Variants in HMOX2 observed in about 807,000 individuals in gnomAD.
HMOX2 encodes the protein heme oxygenase (decycling) 2.
HMOX2 carries 30 observed loss-of-function variants against 33.7 expected under a neutral mutation model. The observed-to-expected ratio is 0.89, with a 90% CI of 0.67 to 1.21. The LOEUF (loss-of-function observed/expected upper bound fraction) is 1.21, where lower values mean the gene tolerates loss of function less well. Ranked by LOEUF, HMOX2 falls within the 50% of genes most tolerant of loss-of-function variation. The pLI is 0.00. For synonymous variants in HMOX2, 155 were observed against 155.0 expected, an observed-to-expected ratio of 1.00 and a Z score of 0.00; for missense variants, 403 against 399.1, an observed-to-expected ratio of 1.01 and a Z score of -0.08.
At chr16:4,495,265 G>A (rs977280853) in intron 1 of HMOX2, among the ~76,000 whole-genome samples, 4 of 152,216 alleles carry the variant, frequency 2.6e-5, no homozygotes, top group Non-Finnish European at 5.9e-5. Flanking sequence ...GAAGGAAGCA[G>A]ATTCCATTCC....
intron 1 of HMOX2, chr16:4,496,533 G>T (rs2058426033): frequency 6.6e-6 from 1 of 152,184 alleles, no homozygotes; most frequent in East Asian, 1.9e-4. Flanking sequence ...CATAACTTCA[G>T]TTTCCTTGTT....
intron 1 of HMOX2, among the ~76,000 whole-genome samples, chr16:4,504,810 C>G (rs1348306803): frequency 6.6e-6 from 1 of 151,302 alleles, no homozygotes; most frequent in South Asian, 2.1e-4. Context: ...CTGCCTGAGC[C>G]TCCCGAGTAG....
intron 1 of HMOX2, chr16:4,481,756 A>G (rs2058038033): frequency 6.6e-6 from 1 of 152,234 alleles, no homozygotes; most frequent in African/African-American, 2.4e-5. Context: ...ATGATAATGT[A>G]ATGTCACCTG....
intron 1 of HMOX2, among the ~76,000 whole-genome samples, chr16:4,483,282 A>G (rs1036844344): frequency 2.0e-5 from 3 of 150,494 alleles, no homozygotes; most frequent in Non-Finnish European, 4.4e-5. Context: ...CTGGTGATCA[A>G]CTCAACCTTT....
At chr16:4,505,239 T>G (rs1042990700) in intron 1 of HMOX2, among the ~76,000 whole-genome samples, 7 of 152,244 alleles carry the variant, frequency 4.6e-5, no homozygotes, top group African/African-American at 1.7e-4. Context: ...GCAGTACAAT[T>G]ATTTTTAAAA....
intron 1 of HMOX2, among the ~76,000 whole-genome samples, chr16:4,487,257 CAA>C (rs879421943): frequency 2.1e-5 from 3 of 141,524 alleles, no homozygotes; most frequent in Admixed American, 7.1e-5. Flanking sequence ...GACCCTGTCT[CAA>C]AAAAAAAAAA....
chr16:4,488,127 CAAAAAA>C (rs60429116), intron 1 of HMOX2, among the ~76,000 whole-genome samples: 13 of 69,314 alleles, frequency 1.9e-4, no homozygotes, highest in African/African-American at 3.8e-4. Context: ...AACTCCATCT[CAAAAAA>C]AAAAAAAAAA....
rs149714752 is a variant in HMOX2 at position 4,509,433 on chromosome 16, G to C, written c.718G>C (p.Ala240Pro). The C allele has an allele frequency of 6.9e-4, 1,116 of 1,614,064 alleles. 5 individuals are homozygous for C. The Middle Eastern group carries it at 6.9e-3, about 10-fold the overall frequency. Reference sequence around the variant, plus strand: ...GCAGATATTCAATGAACTGGACCAGGCCGGCTCCACACTGGCCAGAGAGAC... The same window carrying C: ...GCAGATATTCAATGAACTGGACCAGCCCGGCTCCACACTGGCCAGAGAGAC... ...NMQIFNELDQ[A>P]GSTLARETLE... Residue 240 changes from alanine (A) to proline (P), a missense_variant, in exon 5 of 6, where the codon GCC becomes CCC. Coordinates refer to ENST00000570646, the MANE Select transcript of HMOX2 (RefSeq NM_002134.4).
chr16:4,486,389 C>G (rs1402125588), intron 1 of HMOX2, among the ~76,000 whole-genome samples: 1 of 152,150 alleles, frequency 6.6e-6, no homozygotes, highest in Non-Finnish European at 1.5e-5. Context: ...GCCACAGCAA[C>G]TTAACTGGCT....
chr16:4,489,678 G>C (rs564144256), intron 1 of HMOX2, among the ~76,000 whole-genome samples: 1 of 152,100 alleles, frequency 6.6e-6, no homozygotes, highest in Non-Finnish European at 1.5e-5. Context: ...AGGCTGGTCT[G>C]GAACTCCTGT....
intron 1 of HMOX2, among the ~76,000 whole-genome samples, chr16:4,487,533 G>A (rs760396909): frequency 1.3e-5 from 2 of 152,180 alleles, no homozygotes; most frequent in Non-Finnish European, 2.9e-5. Context: ...GCTGGGCGCA[G>A]TGGCTCACAC....
At chr16:4,503,986 T>C (rs995613151) in intron 1 of HMOX2, among the ~76,000 whole-genome samples, 2 of 152,232 alleles carry the variant, frequency 1.3e-5, no homozygotes, top group African/African-American at 4.8e-5. Flanking sequence ...GCTATTCATG[T>C]GGAAGATTCC....
At chr16:4,495,488 C>G (rs1362379399) in intron 1 of HMOX2, 1 of 152,206 alleles carries the variant, frequency 6.6e-6, no homozygotes, top group African/African-American at 2.4e-5. Context: ...TCTGGGCAGT[C>G]ATTGTGAAGA....
At chr16:4,498,725 A>C (rs2058484162) in intron 1 of HMOX2, among the ~76,000 whole-genome samples, 1 of 152,120 alleles carries the variant, frequency 6.6e-6, no homozygotes. Context: ...CGTTCAGTGA[A>C]CCGTGGGATT....
At chr16:4,500,883 A>G (rs560541281) in intron 1 of HMOX2, among the ~76,000 whole-genome samples, 1 of 152,300 alleles carries the variant, frequency 6.6e-6, no homozygotes, top group South Asian at 2.1e-4. Flanking sequence ...CTGTTAGCTC[A>G]GGTGTTGGAA....
Position 4,508,089 on chromosome 16 carries a change from A to G in HMOX2, c.581A>G (p.Asn194Ser), listed in dbSNP as rs776731134. ...TTCTACCTGTTTGAGAATGTGGACA[A>G]TGCCCAGCAGTTCAAGCAGCTCTAC... ...TQFYLFENVDNAQQFKQLYRA... is the reference protein window; with the variant it reads ...TQFYLFENVDSAQQFKQLYRA... The change falls in exon 4 of 6, where the codon AAT (asparagine) becomes AGT (serine). Residue 194 changes from asparagine (N) to serine (S), a missense_variant. Physicochemically the swap from Asn to Ser is conservative, Grantham distance 46. Coordinates refer to ENST00000570646, the MANE Select transcript of HMOX2 (RefSeq NM_002134.4). 9.9e-6 allele frequency: 16 copies of G among 1,614,054 alleles called. No homozygotes were observed. In the Admixed American group the frequency reaches 2.5e-4, roughly 25 times the overall value.
intron 1 of HMOX2, among the ~76,000 whole-genome samples, chr16:4,485,906 T>C (rs1050491789): frequency 6.6e-6 from 1 of 151,890 alleles, no homozygotes; most frequent in Non-Finnish European, 1.5e-5. Context: ...GCATTTTTAG[T>C]AGAGACAAGG....
At chr16:4,490,873 G>A (rs551463546) in intron 1 of HMOX2, among the ~76,000 whole-genome samples, 170 of 152,332 alleles carry the variant, frequency 1.1e-3, no homozygotes, top group South Asian at 2.9e-3. Context: ...CTCAGCGTTA[G>A]TGCTGTTGAC....
chr16:4,494,540 C>G (rs1225704084), intron 1 of HMOX2, among the ~76,000 whole-genome samples: 3 of 152,036 alleles, frequency 2.0e-5, no homozygotes, highest in African/African-American at 7.2e-5. Context: ...GTGTTCCAAA[C>G]AATTTGTTAC....
Sources: allele counts gnomAD v4.1 joint callset (sites outside exome capture counted in the v4.1 genomes callset), GRCh38; gene constraint gnomAD v4.1.1; transcripts MANE v1.5; gene names NCBI Gene and HGNC (gene_info 2026-07-23, HGNC 2026-07-21).